Variants in ZNF366 observed in about 807,000 individuals in gnomAD.
The protein encoded by ZNF366 is dendritic cell-specific transcript protein.
In ZNF366, 20 loss-of-function variants were observed where a neutral mutation model predicts 47.2. The observed-to-expected ratio is 0.42, with a 90% confidence interval of 0.30 to 0.62. The LOEUF is 0.62. Among genes scored for constraint, ZNF366 ranks in the 20% least tolerant of loss-of-function variants. The pLI, the probability that ZNF366 is intolerant of heterozygous loss-of-function variation, is 0.16. For synonymous variants in ZNF366, 421 were observed against 395.1 expected (o/e 1.07, Z -0.78); for missense variants, 987 against 976.3 (o/e 1.01, Z -0.15).
At chr5:72,478,967 C>T (rs1347294280) in intron 1 of ZNF366, among the ~76,000 whole-genome samples, 1 of 152,230 alleles carries the variant, frequency 6.6e-6, no homozygotes, top group African/African-American at 2.4e-5. Context: ...GTTTCATCAC[C>T]ATCCCTGCCT....
chr5:72,502,996 G>T (rs2112359677), intron 1 of ZNF366, among the ~76,000 whole-genome samples: 1 of 152,130 alleles, frequency 6.6e-6, no homozygotes, highest in East Asian at 1.9e-4. Context: ...GTGGTGGCGG[G>T]CAGCTGTGAT....
intron 1 of ZNF366, among the ~76,000 whole-genome samples, chr5:72,491,205 C>T (rs1216639263): frequency 6.6e-6 from 1 of 152,238 alleles, no homozygotes; most frequent in Non-Finnish European, 1.5e-5. Context: ...TGGCCCACAG[C>T]CCCACAAAAG....
chr5:72,478,742 A>G (rs1467015788), intron 1 of ZNF366, among the ~76,000 whole-genome samples: 1 of 152,230 alleles, frequency 6.6e-6, no homozygotes, highest in East Asian at 1.9e-4. Context: ...ATATTCTGCA[A>G]ATGTAAAGTG....
chr5:72,471,846 G>C (rs1038781455), intron 1 of ZNF366, among the ~76,000 whole-genome samples: 10 of 151,940 alleles, frequency 6.6e-5, no homozygotes, highest in African/African-American at 2.4e-4. Flanking sequence ...TCTGCCCAAG[G>C]TCTTAAAAAA....
intron 4 of ZNF366, among the ~76,000 whole-genome samples, chr5:72,445,509 A>G (rs73763717): frequency 0.011 from 1,656 of 152,336 alleles, 19 homozygotes; most frequent in African/African-American, 0.038. Context: ...TTCAAAAGCT[A>G]GAGTGAAAAA....
chr5:72,473,257 T>C (rs1580244494), intron 1 of ZNF366, among the ~76,000 whole-genome samples: 1 of 152,204 alleles, frequency 6.6e-6, no homozygotes, highest in Non-Finnish European at 1.5e-5. Context: ...CTTCCTACCA[T>C]GTATGGTCAA....
chr5:72,454,766 C>A (rs1743146595), intron 3 of ZNF366, among the ~76,000 whole-genome samples: 1 of 152,174 alleles, frequency 6.6e-6, no homozygotes, highest in South Asian at 2.1e-4. Context: ...AGACAGTAAA[C>A]CCTTTGCAAG....
chr5:72,501,879 G>T lies in ZNF366; in HGVS notation c.-15+5372C>A, dbSNP rs80237380. ...AAATGTTAATTTCCCATGAACAAATGGGTGGGGGTGCTTGCCAAGACGACA... is the reference window on the plus strand; with the variant it reads ...AAATGTTAATTTCCCATGAACAAATTGGTGGGGGTGCTTGCCAAGACGACA... On this transcript the variant is annotated intron_variant, in intron 1 of 4. Transcript: ENST00000318442. 4.8e-3 allele frequency among the ~76,000 whole-genome samples: 737 copies of T among 152,302 alleles called. 2 individuals are homozygous for T. Among genetic ancestry groups the T allele is most frequent in the African/African-American group, 0.017 (695 of 41,550 alleles).
chr5:72,452,195 C>T (rs945773668), intron 3 of ZNF366, among the ~76,000 whole-genome samples: 2 of 152,206 alleles, frequency 1.3e-5, no homozygotes, highest in Non-Finnish European at 2.9e-5. Context: ...AACTGCCCTT[C>T]CCGCACATTC....
intron 2 of ZNF366, among the ~76,000 whole-genome samples, chr5:72,459,519 G>A (rs1449681869): frequency 1.3e-5 from 2 of 152,172 alleles, no homozygotes; most frequent in South Asian, 2.1e-4. Flanking sequence ...TGAGCACAGA[G>A]AAGATCAAAC....
chr5:72,463,537 G>T (rs1743373873), intron 1 of ZNF366, among the ~76,000 whole-genome samples: 1 of 152,156 alleles, frequency 6.6e-6, no homozygotes, highest in Non-Finnish European at 1.5e-5. Flanking sequence ...CTGTGTCTTA[G>T]CTTTGCTTCC....
At chr5:72,469,738 A>G (rs566128837) in intron 1 of ZNF366, among the ~76,000 whole-genome samples, 1 of 152,302 alleles carries the variant, frequency 6.6e-6, no homozygotes, top group Non-Finnish European at 1.5e-5. Context: ...TTGCCCTAAC[A>G]TTCCTTGAAA....
chr5:72,498,868 A>T (rs1744159669), intron 1 of ZNF366, among the ~76,000 whole-genome samples: 1 of 152,230 alleles, frequency 6.6e-6, no homozygotes, highest in Non-Finnish European at 1.5e-5. Flanking sequence ...AAGAGCAAAT[A>T]CATTTGGCAT....
chr5:72,495,329 C>A (rs1744092157), intron 1 of ZNF366, among the ~76,000 whole-genome samples: 1 of 152,116 alleles, frequency 6.6e-6, no homozygotes, highest in South Asian at 2.1e-4. Flanking sequence ...AATTCCTACC[C>A]AAAGAGGGGA....
At chr5:72,494,605 ATTT>A (rs57920640) in intron 1 of ZNF366, among the ~76,000 whole-genome samples, 41 of 137,232 alleles carry the variant, frequency 3.0e-4, no homozygotes, top group South Asian at 2.4e-4. Context: ...GCTGTCAGAG[ATTT>A]TTTTTTTTTT....
chr5:72,472,695 C>T, intron 1 of ZNF366: 2 of 503,560 alleles, frequency 4.0e-6, no homozygotes, highest in Non-Finnish European at 5.1e-6. Context: ...CATTCCAGCC[C>T]TCCGAGTTTC....
At chr5:72,505,915 T>C (rs572188889) in intron 1 of ZNF366, among the ~76,000 whole-genome samples, 2 of 152,300 alleles carry the variant, frequency 1.3e-5, no homozygotes, top group African/African-American at 4.8e-5. Context: ...TTTACATTGC[T>C]CGTTTTATGA....
In ZNF366 at chr5:72,456,653, G is replaced by C; in HGVS notation, c.1333-58C>G. On this transcript the variant is annotated intron_variant, in intron 2 of 4. Coordinates refer to ENST00000318442, the MANE Select transcript of ZNF366 (RefSeq NM_152625.3). ...TTGACAGGTAACATGCTTTCATCAGGATCATAGGCTTCATTTTCCTCTCTG... is the reference window on the plus strand; with the variant it reads ...TTGACAGGTAACATGCTTTCATCAGCATCATAGGCTTCATTTTCCTCTCTG... The C allele has an allele frequency of 3.4e-6, 5 of 1,462,414 alleles. No individual in the cohort carries two copies. The Admixed American group carries it at 1.0e-4, about 29-fold the overall frequency. 90.6% of individuals were successfully genotyped at this position (1,462,414 alleles called of 1,614,324 possible).
intron 1 of ZNF366, among the ~76,000 whole-genome samples, chr5:72,504,691 A>G (rs950381492): frequency 5.3e-5 from 8 of 152,070 alleles, no homozygotes; most frequent in Admixed American, 2.6e-4. Context: ...GACACAAATT[A>G]TAGGAGACTC....
Sources: gnomAD v4.1 joint callset for allele counts (sites outside exome capture counted in the v4.1 genomes callset) on GRCh38, gnomAD v4.1.1 for gene constraint, MANE v1.5 for transcripts, NCBI Gene and HGNC (gene_info 2026-07-23, HGNC 2026-07-21) for gene names.